Variants in PRDM16 observed in about 807,000 individuals in gnomAD.
PRDM16 encodes PR/SET domain 16.
PRDM16 carries 23 observed loss-of-function variants against 110.6 expected under a neutral mutation model. That is an observed-to-expected ratio of 0.21 (90% CI 0.15 to 0.29). The LOEUF is 0.29. PRDM16 is among the 10% of genes least tolerant of loss of function. PRDM16 has a pLI of 1.00. For missense variants in PRDM16, 1,615 were observed against 1,794.3 expected (o/e 0.90, Z 1.81); for synonymous variants, 799 against 781.8 (o/e 1.02, Z -0.37).
intron 3 of PRDM16, among the ~76,000 whole-genome samples, chr1:3,357,571 C>A (rs573961924): frequency 7.2e-6 from 1 of 139,572 alleles, no homozygotes; most frequent in East Asian, 1.9e-4. Context: ...CCCCACGGGC[C>A]CCCAGCCAGT....
chr1:3,225,811 G>A (rs1003231832), intron 2 of PRDM16, among the ~76,000 whole-genome samples: 6 of 152,194 alleles, frequency 3.9e-5, no homozygotes, highest in Non-Finnish European at 8.8e-5. Flanking sequence ...CAGAAGTGTC[G>A]GATCACAGGA....
intron 1 of PRDM16, among the ~76,000 whole-genome samples, chr1:3,105,255 G>A (rs994659734): frequency 3.3e-5 from 5 of 152,156 alleles, no homozygotes; most frequent in African/African-American, 1.2e-4. Context: ...GCCTCCCTGG[G>A]CCCAAACTTG....
chr1:3,429,153 G>A (rs960220039), intron 14 of PRDM16, among the ~76,000 whole-genome samples: 10 of 152,236 alleles, frequency 6.6e-5, no homozygotes, highest in African/African-American at 2.2e-4. Context: ...GAAGGAACCC[G>A]GCCTGCCCTC....
At chr1:3,326,299 C>T (rs1355696152) in intron 3 of PRDM16, among the ~76,000 whole-genome samples, 1 of 152,248 alleles carries the variant, frequency 6.6e-6, no homozygotes, top group African/African-American at 2.4e-5. Flanking sequence ...CTTATAAAGA[C>T]ACCCTACTTC....
At chr1:3,364,934 C>T (rs945557045) in intron 3 of PRDM16, among the ~76,000 whole-genome samples, 4 of 152,200 alleles carry the variant, frequency 2.6e-5, no homozygotes, top group African/African-American at 7.2e-5. Context: ...TGTGTGTGTA[C>T]GCCGTCCCTC....
rs1046503881 is a variant in PRDM16, at chr1:3,080,375, G to A, written c.37+11079G>A. Among the ~76,000 whole-genome samples the A allele has an allele frequency of 3.3e-5, 5 of 152,140 alleles. No homozygotes were observed. The highest frequency in any genetic ancestry group is 9.7e-5 in the African/African-American group (4 of 41,436). ...GTGCCACGAAGCACCGGGGATTTAC[G>A]GCCGACCCGCGCTTTCCGATCGGTT... On this transcript the variant is annotated intron_variant, in intron 1 of 16. Coordinates refer to ENST00000270722, the MANE Select transcript of PRDM16 (RefSeq NM_022114.4). The surrounding 1 kb of genome is among the most constrained non-coding windows in gnomAD (Gnocchi z 5.2).
chr1:3,225,658 C>T (rs777193897), intron 2 of PRDM16, among the ~76,000 whole-genome samples: 7 of 151,294 alleles, frequency 4.6e-5, no homozygotes, highest in African/African-American at 9.7e-5. Context: ...CTTATTTTGG[C>T]GTGGAATGGG....
chr1:3,381,399 GGT>G (rs1491349809), intron 3 of PRDM16, among the ~76,000 whole-genome samples: 2 of 148,014 alleles, frequency 1.4e-5, no homozygotes, highest in Admixed American at 6.7e-5. Flanking sequence ...GTTTTTTTCT[GGT>G]TTTTTTTTTT....
At chr1:3,331,267 C>T (rs1486158264) in intron 3 of PRDM16, among the ~76,000 whole-genome samples, 6 of 151,488 alleles carry the variant, frequency 4.0e-5, no homozygotes, top group African/African-American at 7.3e-5. Flanking sequence ...CTGGGGGGGG[C>T]GCATACTGGG....
chr1:3,375,319 T>C (rs1173526672), intron 3 of PRDM16, among the ~76,000 whole-genome samples: 3 of 152,216 alleles, frequency 2.0e-5, no homozygotes, highest in Non-Finnish European at 4.4e-5. Flanking sequence ...CAGACCCTGC[T>C]CTTTCCACGC....
At chr1:3,239,617 G>T (rs1287547240) in intron 2 of PRDM16, among the ~76,000 whole-genome samples, 1 of 152,184 alleles carries the variant, frequency 6.6e-6, no homozygotes, top group Admixed American at 6.5e-5. Flanking sequence ...CCACATCTTT[G>T]GGTCCAACGA....
In PRDM16 at chr1:3,268,199, C is replaced by T. The variant is rs142215120; in HGVS notation, c.438+24062C>T. Among the ~76,000 whole-genome samples, 1,249 of 152,312 alleles carry T rather than the reference C, an allele frequency of 8.2e-3. 9 individuals are homozygous for T. Among genetic ancestry groups the T allele is most frequent in the Non-Finnish European group, 0.012 (824 of 68,032 alleles). ...CGCTCCTGCTGCGGTTGCAGTCGCC[C>T]CCGGCTCGGCGCGCGTCAGACCAGG... On this transcript the variant is annotated intron_variant, in intron 3 of 16. Coordinates refer to ENST00000270722, the MANE Select transcript of PRDM16 (RefSeq NM_022114.4).
At chr1:3,285,245 C>T (rs1355838452) in intron 3 of PRDM16, among the ~76,000 whole-genome samples, 1 of 152,212 alleles carries the variant, frequency 6.6e-6, no homozygotes, top group Non-Finnish European at 1.5e-5. Context: ...GCCCTCTGGC[C>T]CCAGCCCCGT....
intron 3 of PRDM16, among the ~76,000 whole-genome samples, chr1:3,326,121 G>GGCCATCCTCGACCATCCTTGGCCCTCC (rs1557610897): frequency 1.9e-4 from 5 of 25,702 alleles, no homozygotes; most frequent in African/African-American, 1.1e-3. Flanking sequence ...CTTGGCCCTC[G>GGCCATCCTCGACCATCCTTGGCCCTCC]TTGGCCATCC....
rs1419674160 is a variant in PRDM16, at chr1:3,265,831, G to T, written c.438+21694G>T. On this transcript the variant is annotated intron_variant, in intron 3 of 16. Transcript: ENST00000270722. The surrounding 1 kb of genome is among the most constrained non-coding windows in gnomAD (Gnocchi z 4.5). Reference sequence around the variant, plus strand: ...GGAGCCCCCAGACCCTGCCTCAGTGGGTCGTGCCCAGGTCCTTCGCTCTCT... The same window carrying T: ...GGAGCCCCCAGACCCTGCCTCAGTGTGTCGTGCCCAGGTCCTTCGCTCTCT... 6.6e-6 allele frequency among the ~76,000 whole-genome samples: 1 copy of T among 152,088 alleles called. No homozygotes were observed. Among genetic ancestry groups the T allele is most frequent in the East Asian group, 1.9e-4 (1 of 5,186 alleles).
chr1:3,149,976 C>T lies in PRDM16; in HGVS notation c.38-36149C>T, dbSNP rs562424324. 1.8e-3 allele frequency among the ~76,000 whole-genome samples: 276 copies of T among 152,326 alleles called. 2 individuals carry two copies. Among genetic ancestry groups the T allele is most frequent in the African/African-American group, 6.3e-3 (263 of 41,578 alleles). ...CCCCGGGGTTATCCAGGCTCTGCCA[C>T]GATGGACCAAGAGGCCAGGACAAGT... On this transcript the variant is annotated intron_variant, in intron 1 of 16. Transcript: ENST00000270722.
intron 3 of PRDM16, among the ~76,000 whole-genome samples, chr1:3,323,392 G>A (rs1169379607): frequency 6.6e-6 from 1 of 152,252 alleles, no homozygotes; most frequent in Non-Finnish European, 1.5e-5. Flanking sequence ...TCCGCAGTGT[G>A]TGCCGCCAGA....
At chr1:3,092,864 G>A (rs1642309241) in intron 1 of PRDM16, among the ~76,000 whole-genome samples, 3 of 152,174 alleles carry the variant, frequency 2.0e-5, no homozygotes, top group Non-Finnish European at 2.9e-5. Flanking sequence ...AGGGGCAAAG[G>A]GGAAGATTTG....
In PRDM16 at chr1:3,425,798, G is replaced by T; in HGVS notation, c.3109+48G>T. ...GCCCCCAGAGCACCCACACGGGCAG[G>T]CCCCACAGAGGGGGAGGGGGAACAG... On this transcript the variant is annotated intron_variant, in intron 13 of 16. Transcript: ENST00000270722. The surrounding 1 kb of genome is among the most constrained non-coding windows in gnomAD (Gnocchi z 6.9). 1.2e-6 allele frequency: 2 copies of T among 1,604,970 alleles called. No homozygotes were observed. Among genetic ancestry groups the T allele is most frequent in the Non-Finnish European group, 1.7e-6 (2 of 1,174,334 alleles).
Sources: gnomAD v4.1 joint callset for allele counts (sites outside exome capture counted in the v4.1 genomes callset) on GRCh38, gnomAD v4.1.1 for gene constraint, Gnocchi (gnomAD v3.1) non-coding constraint, MANE v1.5 for transcripts, NCBI Gene and HGNC (gene_info 2026-07-23, HGNC 2026-07-21) for gene names.